Variants in WWP2 observed in about 807,000 individuals in gnomAD.
WWP2 encodes WW domain containing E3 ubiquitin protein ligase 2.
A neutral mutation model predicts 121.0 loss-of-function variants in WWP2; 57 were observed. That is an observed-to-expected ratio of 0.47 (90% CI 0.38 to 0.59). The LOEUF is 0.59. WWP2 is among the 20% of genes least tolerant of loss of function. The pLI is 0.00. For missense variants in WWP2, 962 were observed against 1,158.9 expected (o/e 0.83, Z 2.47); for synonymous variants, 449 against 441.3 (o/e 1.02, Z -0.22).
At chr16:69,910,557 C>A (rs2058364702) in intron 9 of WWP2, among the ~76,000 whole-genome samples, 2 of 152,194 alleles carry the variant, frequency 1.3e-5, no homozygotes, top group East Asian at 1.9e-4. Context: ...TTACAGGCGC[C>A]CGCCACTATG....
intron 11 of WWP2, among the ~76,000 whole-genome samples, chr16:69,928,420 G>A (rs1231853241): frequency 6.6e-6 from 1 of 151,928 alleles, no homozygotes; most frequent in Non-Finnish European, 1.5e-5. Context: ...CCCTCTCAAG[G>A]TCCAGAATCA....
At chr16:69,847,077 T>A (rs1334691411) in intron 6 of WWP2, among the ~76,000 whole-genome samples, 1 of 146,216 alleles carries the variant, frequency 6.8e-6, no homozygotes, top group Non-Finnish European at 1.5e-5. Flanking sequence ...GCTCTTTTTA[T>A]TATTTATTTA....
intron 8 of WWP2, among the ~76,000 whole-genome samples, chr16:69,906,821 A>G (rs768468487): frequency 4.6e-5 from 7 of 152,182 alleles, no homozygotes; most frequent in Non-Finnish European, 7.3e-5. Context: ...CAGAGGCTGT[A>G]GTGAGCTATG....
intron 4 of WWP2, among the ~76,000 whole-genome samples, chr16:69,809,680 A>C (rs953898640): frequency 2.6e-5 from 4 of 152,108 alleles, no homozygotes; most frequent in Non-Finnish European, 5.9e-5. Flanking sequence ...AGGCAGGAGA[A>C]TCACTTGAAC....
At position 69,888,216 on chromosome 16, in the gene WWP2, C is replaced by A. The variant is rs749215554; in HGVS notation, c.881C>A (p.Ala294Glu). The change falls in exon 8 of 24, where the codon GCG becomes GAG. Residue 294 changes from alanine to glutamate, a missense_variant. Ala to Glu is a moderately radical substitution (Grantham distance 107, BLOSUM62 -1). Coordinates refer to ENST00000359154, the MANE Select transcript of WWP2 (RefSeq NM_001270454.2). ...ACTTCGGGTACACAGCAGCTCCCAG[C>A]GGCTGCCCAGGCCCCCGACGCTCTG... ...PSTSGTQQLP[A>E]AAQAPDALPA... 11 of 1,614,142 alleles carry A rather than the reference C, an allele frequency of 6.8e-6. No individual in the cohort carries two copies. In the East Asian group the frequency reaches 2.5e-4, roughly 36 times the overall value.
At chr16:69,900,084 A>C (rs1014406042) in intron 8 of WWP2, among the ~76,000 whole-genome samples, 6 of 152,208 alleles carry the variant, frequency 3.9e-5, no homozygotes, top group Non-Finnish European at 8.8e-5. Context: ...AACTGCTGTA[A>C]TATGACGTAA....
chr16:69,841,644 T>A (rs2056979979), intron 5 of WWP2, among the ~76,000 whole-genome samples: 1 of 152,062 alleles, frequency 6.6e-6, no homozygotes, highest in Admixed American at 6.6e-5. Context: ...GCTCTCTGGG[T>A]GTATTATGGA....
chr16:69,793,507 T>G lies in WWP2; in HGVS notation c.71-5175T>G, dbSNP rs148445140. ...AGAGATTAGGGTTTTTATAGACAAT[T>G]TGACAGGTAGGGGACTAGGGAATGG... On this transcript the variant is annotated intron_variant, in intron 2 of 23. Transcript: ENST00000359154. Among the ~76,000 whole-genome samples the G allele has an allele frequency of 3.2e-4, 48 of 152,168 alleles. No individual in the cohort carries two copies. In the East Asian group the frequency reaches 8.5e-3, roughly 27 times the overall value.
intron 4 of WWP2, among the ~76,000 whole-genome samples, chr16:69,830,391 G>T (rs150522266): frequency 6.6e-6 from 1 of 152,274 alleles, no homozygotes; most frequent in African/African-American, 2.4e-5. Context: ...GCCCAGCCCA[G>T]GAAATGTTTC....
At chr16:69,903,525 TTGGGAGG>T (rs2058237728) in intron 8 of WWP2, among the ~76,000 whole-genome samples, 1 of 152,066 alleles carries the variant, frequency 6.6e-6, no homozygotes, top group Non-Finnish European at 1.5e-5. Context: ...TCCCAGCACT[TTGGGAGG>T]CCGAGGAGGG....
intron 1 of WWP2, among the ~76,000 whole-genome samples, chr16:69,782,565 A>C (rs1301350760): frequency 6.6e-6 from 1 of 152,204 alleles, no homozygotes; most frequent in East Asian, 1.9e-4. Context: ...GGTAACCTGG[A>C]GGTCTCTCTG....
chr16:69,896,626 A>G (rs2058108276), intron 8 of WWP2, among the ~76,000 whole-genome samples: 2 of 152,206 alleles, frequency 1.3e-5, no homozygotes, highest in African/African-American at 2.4e-5. Flanking sequence ...ATGGAAAATT[A>G]GAAAAAAATA....
chr16:69,817,639 G>A (rs1342435171), intron 4 of WWP2, among the ~76,000 whole-genome samples: 1 of 144,198 alleles, frequency 6.9e-6, no homozygotes, highest in Non-Finnish European at 1.5e-5. Flanking sequence ...ACAATTACTA[G>A]CAGCACTTTT....
chr16:69,921,984 G>C (rs1303565671), intron 10 of WWP2, among the ~76,000 whole-genome samples: 1 of 150,842 alleles, frequency 6.6e-6, no homozygotes, highest in Non-Finnish European at 1.5e-5. Context: ...TGAGGCAGGA[G>C]AATCGCTTGA....
chr16:69,810,197 T>C (rs1294497951), intron 4 of WWP2, among the ~76,000 whole-genome samples: 1 of 152,226 alleles, frequency 6.6e-6, no homozygotes, highest in Non-Finnish European at 1.5e-5. Context: ...GAAACTCAGC[T>C]GGCTGTTTTC....
Position 69,897,121 on chromosome 16 carries a change from T to C in WWP2, c.914+8872T>C, listed in dbSNP as rs111279410. On this transcript the variant is annotated intron_variant, in intron 8 of 23. Transcript: ENST00000359154. ...TTTTTTTTTTGTTTGTGTGTTTTGT[T>C]TTTGAGACAGAATCTGTGTCACCCA... 5.3e-5 allele frequency among the ~76,000 whole-genome samples: 8 copies of C among 152,044 alleles called. 1 individual carries two copies. The highest frequency in any genetic ancestry group is 1.9e-4 in the African/African-American group (8 of 41,488).
At chr16:69,808,388 C>A (rs959174190) in intron 4 of WWP2, among the ~76,000 whole-genome samples, 4 of 151,754 alleles carry the variant, frequency 2.6e-5, no homozygotes, top group African/African-American at 9.7e-5. Context: ...CCATGCCTGG[C>A]CTGTCTTTTA....
intron 4 of WWP2, among the ~76,000 whole-genome samples, chr16:69,819,110 A>G (rs968947790): frequency 8.5e-5 from 13 of 152,132 alleles, no homozygotes; most frequent in African/African-American, 3.1e-4. Context: ...CATTGCCTTT[A>G]GGATATATTC....
Position 69,941,218 on chromosome 16 carries a change from T to A in WWP2, c.*1278T>A, listed in dbSNP as rs1316222840. On this transcript the variant is annotated 3_prime_UTR_variant, in exon 24 of 24. Coordinates refer to ENST00000359154, the MANE Select transcript of WWP2 (RefSeq NM_001270454.2). Reference sequence around the variant, plus strand: ...TAACTGGAATCTTCATAGGTCATATTGAAATCTTCAAGGTGACCATGCCCC... The same window carrying A: ...TAACTGGAATCTTCATAGGTCATATAGAAATCTTCAAGGTGACCATGCCCC... 1 of 152,262 alleles carries A rather than the reference T, an allele frequency of 6.6e-6. No individual in the cohort carries two copies. Among genetic ancestry groups the A allele is most frequent in the African/African-American group, 2.4e-5 (1 of 41,444 alleles). 9.4% of individuals were successfully genotyped at this position (152,262 alleles called of 1,614,324 possible). A position where few individuals can be genotyped will look rare whatever the true frequency, so the allele number is the denominator to read the frequency against.
Sources: gnomAD v4.1 joint callset for allele counts (sites outside exome capture counted in the v4.1 genomes callset) on GRCh38, gnomAD v4.1.1 for gene constraint, MANE v1.5 for transcripts, NCBI Gene and HGNC (gene_info 2026-07-23, HGNC 2026-07-21) for gene names.